FGD4: variants seen among roughly 807,000 people sequenced by gnomAD.
FGD4 encodes the protein FYVE, RhoGEF and PH domain-containing protein 4.
In FGD4, 42 loss-of-function variants were observed where a neutral mutation model predicts 102.0. The ratio of observed to expected loss-of-function variants is 0.41; its 90% CI spans 0.32 to 0.53. The LOEUF (loss-of-function observed/expected upper bound fraction) is 0.53, where lower values mean the gene tolerates loss of function less well. FGD4 is among the 20% of genes least tolerant of loss of function. The pLI, the probability that FGD4 is intolerant of heterozygous loss-of-function variation, is 0.21. For synonymous variants in FGD4, 380 were observed against 375.7 expected, an observed-to-expected ratio of 1.01 and a Z score of -0.13; for missense variants, 902 against 1,078.2, an observed-to-expected ratio of 0.84 and a Z score of 2.29.
At chr12:32,537,822 A>G (rs534968476) in intron 1 of FGD4, among the ~76,000 whole-genome samples, 1 of 152,314 alleles carries the variant, frequency 6.6e-6, no homozygotes, top group African/African-American at 2.4e-5. Flanking sequence ...TATAGGATAT[A>G]ATAATAGCCT....
At chr12:32,445,328 G>A (rs1290224621) in intron 1 of FGD4, among the ~76,000 whole-genome samples, 1 of 152,178 alleles carries the variant, frequency 6.6e-6, no homozygotes, top group Non-Finnish European at 1.5e-5. Flanking sequence ...TTTGTAAAAA[G>A]TCCTCATTGA....
At chr12:32,625,902 A>C (rs780676863) in intron 14 of FGD4, 123 bp downstream of exon 14, 8 of 1,333,352 alleles carry the variant, frequency 6.0e-6, no homozygotes, top group Non-Finnish European at 7.5e-6. Flanking sequence ...TTTTGGTGCC[A>C]ATTACGTGCA....
chr12:32,617,688 T>C (rs1174806024), intron 10 of FGD4, among the ~76,000 whole-genome samples: 3 of 152,228 alleles, frequency 2.0e-5, no homozygotes, highest in African/African-American at 7.2e-5. Context: ...ATGTTCTTCA[T>C]GCCATAGTTG....
At chr12:32,627,641 C>T (rs1234621652) in intron 14 of FGD4, among the ~76,000 whole-genome samples, 3 of 152,056 alleles carry the variant, frequency 2.0e-5, no homozygotes, top group Admixed American at 2.0e-4. Context: ...TAGAAATTTA[C>T]AGTTATAAAT....
chr12:32,526,626 A>G (rs941218965), intron 1 of FGD4, among the ~76,000 whole-genome samples: 1 of 152,216 alleles, frequency 6.6e-6, no homozygotes, highest in Non-Finnish European at 1.5e-5. Context: ...AGCATTGGCA[A>G]CCTGCTCAGG....
chr12:32,544,931 TGATACCTG>T lies in FGD4; in HGVS notation c.167-19204_167-19197del, dbSNP rs2136153629. ...TTGCCTGGGAAGCTTTAACATACACTGATACCTGGGTCTCATATCCCAGAGATTGACTT... is the reference window on the plus strand; with the variant it reads ...TTGCCTGGGAAGCTTTAACATACACTGGTCTCATATCCCAGAGATTGACTT... On this transcript the variant is annotated intron_variant, in intron 1 of 16. Coordinates refer to ENST00000534526, the MANE Select transcript of FGD4 (RefSeq NM_001370298.3). This position sits in a 1 kb window ranked among gnomAD's most constrained non-coding sequence, Gnocchi z 4.1. 6.6e-6 allele frequency among the ~76,000 whole-genome samples: 1 copy of T among 152,324 alleles called. No individual in the cohort carries two copies. Among genetic ancestry groups the T allele is most frequent in the South Asian group, 2.1e-4 (1 of 4,822 alleles).
At chr12:32,607,826 T>G in intron 7 of FGD4, 131 bp from the exon 8 acceptor site, 1 of 948,722 alleles carries the variant, frequency 1.1e-6, no homozygotes, top group Non-Finnish European at 1.6e-6. Context: ...AAATCTGCAT[T>G]TCATGCAGGT....
At chr12:32,461,158 T>C (rs1288733773) in intron 1 of FGD4, among the ~76,000 whole-genome samples, 1 of 152,252 alleles carries the variant, frequency 6.6e-6, no homozygotes, top group African/African-American at 2.4e-5. Flanking sequence ...TAACAGAATA[T>C]TCGGTTATGA....
intron 2 of FGD4, among the ~76,000 whole-genome samples, chr12:32,574,133 G>A (rs1326224167): frequency 1.3e-5 from 2 of 152,164 alleles, no homozygotes; most frequent in African/African-American, 4.8e-5. Flanking sequence ...AAAGTGGGTA[G>A]AGTCATCCCT....
At chr12:32,547,715 A>G (rs188279886) in intron 1 of FGD4, among the ~76,000 whole-genome samples, 2 of 152,206 alleles carry the variant, frequency 1.3e-5, no homozygotes, top group African/African-American at 4.8e-5. Context: ...TGAAATCCCA[A>G]GTCTTTTTTA....
chr12:32,407,280 T>C (rs1292540940), intron 1 of FGD4, among the ~76,000 whole-genome samples: 1 of 149,512 alleles, frequency 6.7e-6, no homozygotes, highest in Non-Finnish European at 1.5e-5. Flanking sequence ...CACCTACCAC[T>C]ATGCCCAGCT....
intron 1 of FGD4, among the ~76,000 whole-genome samples, chr12:32,524,992 A>G (rs1435833444): frequency 1.3e-5 from 2 of 152,244 alleles, no homozygotes; most frequent in Non-Finnish European, 1.5e-5. Context: ...GTTTATGTAT[A>G]TGTCTCTAAA....
At position 32,495,557 on chromosome 12, in the gene FGD4, G is replaced by A. The variant is rs61927244; in HGVS notation, c.167-68580G>A. ...AAAAAATACAGAAAATTAGCCAGGC[G>A]TGGTGGCGGGCACCTGTAGTCCCAG... On this transcript the variant is annotated intron_variant, in intron 1 of 16. Coordinates refer to ENST00000534526, the MANE Select transcript of FGD4 (RefSeq NM_001370298.3). Among the ~76,000 whole-genome samples the A allele has an allele frequency of 9.4e-3, 1,433 of 151,968 alleles. 13 individuals are homozygous for A. The highest frequency in any genetic ancestry group is 0.053 in the South Asian group (255 of 4,808).
At chr12:32,449,179 A>G (rs1942702855) in intron 1 of FGD4, among the ~76,000 whole-genome samples, 1 of 152,178 alleles carries the variant, frequency 6.6e-6, no homozygotes, top group African/African-American at 2.4e-5. Context: ...TCATTTCTGT[A>G]TATTTAGTGC....
chr12:32,633,746 C>T (rs766034739), intron 15 of FGD4, 57 bp downstream of exon 15: 59 of 1,469,732 alleles, frequency 4.0e-5, no homozygotes, highest in Non-Finnish European at 4.9e-5. Flanking sequence ...AACGGACTCT[C>T]GCTCTGTCAC....
At chr12:32,464,129 A>G (rs1001430731) in intron 1 of FGD4, among the ~76,000 whole-genome samples, 7 of 152,060 alleles carry the variant, frequency 4.6e-5, no homozygotes, top group Admixed American at 1.3e-4. Flanking sequence ...ATGTATGTAC[A>G]TACTGGATTA....
intron 5 of FGD4, 144 bp downstream of exon 5, chr12:32,598,730 C>G (rs897230750): frequency 7.3e-6 from 5 of 683,974 alleles, no homozygotes; most frequent in Non-Finnish European, 1.0e-5. Context: ...ATCTCCAGCA[C>G]TTTGAGCTTT....
At chr12:32,547,069 A>G (rs1390107290) in intron 1 of FGD4, among the ~76,000 whole-genome samples, 1 of 152,212 alleles carries the variant, frequency 6.6e-6, no homozygotes. Context: ...GTACCTGCTC[A>G]GTGAAAGCCA....
At chr12:32,461,961 G>A (rs947255151) in intron 1 of FGD4, among the ~76,000 whole-genome samples, 3 of 152,034 alleles carry the variant, frequency 2.0e-5, no homozygotes, top group Admixed American at 6.6e-5. Context: ...TTCTGACCTC[G>A]TGATCCACCC....
Sources: allele counts gnomAD v4.1 joint callset (sites outside exome capture counted in the v4.1 genomes callset), GRCh38; gene constraint gnomAD v4.1.1; non-coding constraint Gnocchi (gnomAD v3.1); transcripts MANE v1.5; gene names NCBI Gene and HGNC (gene_info 2026-07-23, HGNC 2026-07-21).